Variants in PPP4R1 observed in about 807,000 individuals in gnomAD.
The protein encoded by PPP4R1 is protein phosphatase 4 regulatory subunit 1, also known as serine/threonine-protein phosphatase 4 regulatory subunit 1.
PPP4R1 carries 42 observed loss-of-function variants against 111.2 expected under a neutral mutation model. The ratio of observed to expected loss-of-function variants is 0.38; its 90% CI spans 0.29 to 0.49. The LOEUF (loss-of-function observed/expected upper bound fraction) is 0.49, where lower values mean the gene tolerates loss of function less well. Among genes scored for constraint, PPP4R1 ranks in the 20% least tolerant of loss-of-function variants. The pLI is 0.97. For synonymous variants in PPP4R1, 409 were observed against 405.5 expected, an observed-to-expected ratio of 1.01 and a Z score of -0.10; for missense variants, 1,012 against 1,161.6, an observed-to-expected ratio of 0.87 and a Z score of 1.87.
At chr18:9,595,254 A>G in intron 2 of PPP4R1, 101 bp from the exon 3 acceptor site, 2 of 1,269,826 alleles carry the variant, frequency 1.6e-6, no homozygotes, top group South Asian at 1.6e-5. Context: ...ATGGTACAAA[A>G]AAAAAATCAC....
intron 11 of PPP4R1, among the ~76,000 whole-genome samples, chr18:9,566,354 T>C (rs554906788): frequency 2.6e-4 from 40 of 151,730 alleles, no homozygotes; most frequent in Non-Finnish European, 5.4e-4. Flanking sequence ...GCTGATGACT[T>C]TAAGTTAAAA....
chr18:9,586,745 T>C (rs2067122722), intron 6 of PPP4R1, among the ~76,000 whole-genome samples: 1 of 152,172 alleles, frequency 6.6e-6, no homozygotes, highest in South Asian at 2.1e-4. Flanking sequence ...GAGTGAACTC[T>C]TACTATCCAA....
rs78865563 is a variant in PPP4R1, at chr18:9,610,831, T to A, written c.52+3395A>T. Among the ~76,000 whole-genome samples, 1,249 of 151,852 alleles carry A rather than the reference T, an allele frequency of 8.2e-3. 19 individuals are homozygous for A. The highest frequency in any genetic ancestry group is 0.029 in the African/African-American group (1,179 of 41,324). ...CTTTATAAGTTACTTGATAAAAGTT[T>A]AAGTTCTAATGAAACTCCTTCAATG... On this transcript the variant is annotated intron_variant, in intron 2 of 19. Coordinates refer to ENST00000400556, the MANE Select transcript of PPP4R1 (RefSeq NM_001042388.3).
intron 2 of PPP4R1, among the ~76,000 whole-genome samples, chr18:9,603,785 T>C (rs534452158): frequency 3.0e-4 from 46 of 152,270 alleles, no homozygotes; most frequent in African/African-American, 1.0e-3. Flanking sequence ...TTGCCTGACA[T>C]AAAATTTAAA....
chr18:9,589,348 A>C lies in PPP4R1; in HGVS notation c.296-495T>G, dbSNP rs563211367. Among the ~76,000 whole-genome samples, 63 of 152,338 alleles carry C rather than the reference A, an allele frequency of 4.1e-4. 1 individual carries two copies. The highest frequency in any genetic ancestry group is 2.3e-3 in the East Asian group (12 of 5,186). ...TGGGTAAATGAAAATTAAAGATGAC[A>C]AATATTTTTTAAACACCTGAAAAGA... On this transcript the variant is annotated intron_variant, in intron 4 of 19. Transcript: ENST00000400556.
intron 9 of PPP4R1, 56 bp from the exon 10 acceptor site, chr18:9,577,247 C>T (rs878966658): frequency 1.2e-5 from 18 of 1,484,760 alleles, no homozygotes; most frequent in Middle Eastern, 1.7e-4. Flanking sequence ...GAATTATATA[C>T]GCACACATTA....
chr18:9,595,287 A>G, intron 2 of PPP4R1, 134 bp from the exon 3 acceptor site: 1 of 911,494 alleles, frequency 1.1e-6, no homozygotes, highest in East Asian at 2.7e-5. Context: ...GAATCAATCC[A>G]GAAGCCACAA....
intron 10 of PPP4R1, among the ~76,000 whole-genome samples, chr18:9,572,579 G>C (rs1287693272): frequency 6.6e-6 from 1 of 152,170 alleles, no homozygotes; most frequent in Non-Finnish European, 1.5e-5. Context: ...AAGCATCTGT[G>C]TGCCTTTAAA....
intron 9 of PPP4R1, among the ~76,000 whole-genome samples, chr18:9,581,449 G>A (rs375541119): frequency 1.3e-5 from 2 of 152,090 alleles, no homozygotes; most frequent in South Asian, 4.1e-4. Flanking sequence ...CAGTACATGA[G>A]CTCAACAGTA....
intron 2 of PPP4R1, among the ~76,000 whole-genome samples, chr18:9,608,676 G>T (rs1006046460): frequency 2.6e-5 from 4 of 152,234 alleles, no homozygotes; most frequent in African/African-American, 4.8e-5. Flanking sequence ...ACTAAGTTAG[G>T]TTTATTCTCA....
In PPP4R1 at chr18:9,614,320, C is replaced by G; in HGVS notation, c.8-50G>C. 2.6e-6 allele frequency: 3 copies of G among 1,148,444 alleles called. No homozygotes were observed. The highest frequency in any genetic ancestry group is 1.7e-5 in the African/African-American group (1 of 58,392). 71.1% of individuals were successfully genotyped at this position (1,148,444 alleles called of 1,614,324 possible). ...GCCCGGTCAGCGCCCCGGGGCCCGGCGCGACGCCCCCCCCCCGCCCGCCTC... is the reference window on the plus strand; with the variant it reads ...GCCCGGTCAGCGCCCCGGGGCCCGGGGCGACGCCCCCCCCCCGCCCGCCTC... On this transcript the variant is annotated intron_variant, in intron 1 of 19. Coordinates refer to ENST00000400556, the MANE Select transcript of PPP4R1 (RefSeq NM_001042388.3). The surrounding 1 kb of genome is among the most constrained non-coding windows in gnomAD (Gnocchi z 4.1).
At chr18:9,580,655 T>A (rs1252611807) in intron 9 of PPP4R1, among the ~76,000 whole-genome samples, 1 of 152,104 alleles carries the variant, frequency 6.6e-6, no homozygotes, top group Admixed American at 6.5e-5. Flanking sequence ...CAGCTGACCA[T>A]TCCCTCCTTG....
chr18:9,604,373 C>G (rs1014464680), intron 2 of PPP4R1, among the ~76,000 whole-genome samples: 5 of 152,128 alleles, frequency 3.3e-5, no homozygotes, highest in Non-Finnish European at 7.4e-5. Context: ...CCAATCCCTA[C>G]CATTCCACCC....
At chr18:9,571,918 G>A (rs2066868580) in intron 10 of PPP4R1, among the ~76,000 whole-genome samples, 1 of 152,176 alleles carries the variant, frequency 6.6e-6, no homozygotes, top group African/African-American at 2.4e-5. Flanking sequence ...AGACCATTCT[G>A]GAGGAAGTGT....
chr18:9,586,556 A>T (rs758466114), intron 6 of PPP4R1, among the ~76,000 whole-genome samples: 11 of 151,426 alleles, frequency 7.3e-5, no homozygotes, highest in Non-Finnish European at 1.2e-4. Context: ...TGAAAAAGTA[A>T]ATTTATTATT....
intron 6 of PPP4R1, 70 bp from the exon 7 acceptor site, chr18:9,584,898 A>G: frequency 8.2e-7 from 1 of 1,224,304 alleles, no homozygotes; most frequent in Non-Finnish European, 1.2e-6. Context: ...TTAAATAATA[A>G]AAGTATATAA....
chr18:9,568,402 C>T (rs1054373840), intron 11 of PPP4R1, among the ~76,000 whole-genome samples: 1 of 152,196 alleles, frequency 6.6e-6, no homozygotes, highest in Non-Finnish European at 1.5e-5. Flanking sequence ...GGAACTGAAC[C>T]AGCAGTATCT....
At chr18:9,606,356 T>C (rs142037370) in intron 2 of PPP4R1, among the ~76,000 whole-genome samples, 22 of 152,296 alleles carry the variant, frequency 1.4e-4, no homozygotes, top group African/African-American at 5.1e-4. Flanking sequence ...CATTTCTGTA[T>C]TGTCATGGCT....
intron 2 of PPP4R1, among the ~76,000 whole-genome samples, chr18:9,596,429 T>C (rs895331490): frequency 4.6e-5 from 7 of 152,206 alleles, no homozygotes; most frequent in African/African-American, 1.7e-4. Flanking sequence ...CTGGTACGTA[T>C]TAGTTGTTTT....
Sources: allele counts gnomAD v4.1 joint callset (sites outside exome capture counted in the v4.1 genomes callset), GRCh38; gene constraint gnomAD v4.1.1; non-coding constraint Gnocchi (gnomAD v3.1); transcripts MANE v1.5; gene names NCBI Gene and HGNC (gene_info 2026-07-23, HGNC 2026-07-21).